Variants in SPAG16 observed in about 807,000 individuals in gnomAD.
SPAG16 encodes the protein sperm associated antigen 16.
Under a neutral mutation model 80.4 loss-of-function variants are expected in SPAG16, and 86 were observed. The observed-to-expected ratio is 1.07, with a 90% CI of 0.90 to 1.28. The LOEUF (loss-of-function observed/expected upper bound fraction) is 1.28, where lower values mean the gene tolerates loss of function less well. Ranked by LOEUF, SPAG16 falls within the 50% of genes most tolerant of loss-of-function variation. The probability of loss-of-function intolerance (pLI) is 0.00; values close to 1 mark genes in which losing one functional copy is unlikely to be tolerated. For missense variants in SPAG16, 870 were observed against 765.3 expected, an observed-to-expected ratio of 1.14 and a Z score of -1.61; for synonymous variants, 294 against 265.9, an observed-to-expected ratio of 1.11 and a Z score of -1.03.
intron 7 of SPAG16, among the ~76,000 whole-genome samples, chr2:213,360,873 C>A: frequency 6.6e-6 from 1 of 152,136 alleles, no homozygotes; most frequent in East Asian, 1.9e-4. Context: ...TTTGAGAATT[C>A]ATTTCCAACC....
intron 9 of SPAG16, among the ~76,000 whole-genome samples, chr2:213,446,669 CT>C (rs993563739): frequency 6.6e-6 from 1 of 152,178 alleles, no homozygotes; most frequent in African/African-American, 2.4e-5. Context: ...GCTTATGTGC[CT>C]TTTCCTCCAC....
intron 8 of SPAG16, among the ~76,000 whole-genome samples, chr2:213,371,606 G>T (rs1368667785): frequency 6.6e-6 from 1 of 151,882 alleles, no homozygotes; most frequent in Non-Finnish European, 1.5e-5. Flanking sequence ...GCAGAAGTTG[G>T]CATGTCAATA....
chr2:213,877,479 A>G (rs1314251326), intron 11 of SPAG16, among the ~76,000 whole-genome samples: 2 of 152,044 alleles, frequency 1.3e-5, no homozygotes, highest in South Asian at 2.1e-4. Context: ...CCAACTAATT[A>G]AAAAATCATA....
chr2:213,328,254 C>T lies in SPAG16; in HGVS notation c.536+10898C>T, dbSNP rs535332849. Among the ~76,000 whole-genome samples the T allele has an allele frequency of 2.6e-5, 4 of 152,210 alleles. No individual in the cohort carries two copies. The East Asian group carries it at 7.7e-4, about 29-fold the overall frequency. On this transcript the variant is annotated intron_variant, in intron 5 of 15. Coordinates refer to ENST00000331683, the MANE Select transcript of SPAG16 (RefSeq NM_024532.5). ...AGCTAACTTGTTTTGATAGCCCGCT[C>T]AGGATATTCTGTACAACTTTTTTTT...
At chr2:214,010,398 T>C (rs1323986640) in intron 12 of SPAG16, among the ~76,000 whole-genome samples, 1 of 146,524 alleles carries the variant, frequency 6.8e-6, no homozygotes, top group Non-Finnish European at 1.5e-5. Flanking sequence ...GAAAAAAAAG[T>C]CACAGGGGAA....
At chr2:213,704,164 A>G (rs900897873) in intron 10 of SPAG16, among the ~76,000 whole-genome samples, 5 of 152,234 alleles carry the variant, frequency 3.3e-5, no homozygotes, top group Non-Finnish European at 7.3e-5. Context: ...TATAACAGCC[A>G]TATAACAATA....
intron 10 of SPAG16, among the ~76,000 whole-genome samples, chr2:213,531,283 C>A (rs1230201776): frequency 2.6e-5 from 4 of 151,628 alleles, no homozygotes; most frequent in Non-Finnish European, 5.9e-5. Flanking sequence ...AATGGAGAAG[C>A]CTTAAAATCT....
intron 14 of SPAG16, among the ~76,000 whole-genome samples, chr2:214,112,639 C>T (rs1351076333): frequency 5.2e-4 from 59 of 112,798 alleles, no homozygotes; most frequent in Admixed American, 1.2e-3. Context: ...GCAACCCCTG[C>T]TTTTTTTTTT....
At chr2:213,439,582 G>T (rs2070821606) in intron 9 of SPAG16, among the ~76,000 whole-genome samples, 1 of 152,176 alleles carries the variant, frequency 6.6e-6, no homozygotes, top group Admixed American at 6.5e-5. Context: ...TCAAGGTGTG[G>T]TCTGTTTTCT....
Position 214,146,739 on chromosome 2 carries a change from A to G in SPAG16, c.1594-2401A>G, listed in dbSNP as rs369324846. ...TATTTGGCTGGGCGCAGTGGCTCAT[A>G]CCTGTAATCCCAGCACTTTGGGAGG... On this transcript the variant is annotated intron_variant, in intron 14 of 15. Transcript: ENST00000331683. Among the ~76,000 whole-genome samples, 15 of 152,264 alleles carry G rather than the reference A, an allele frequency of 9.9e-5. No individual in the cohort carries two copies. In the East Asian group the frequency reaches 1.4e-3, roughly 14 times the overall value.
At chr2:214,215,416 T>G in intron 15 of SPAG16, among the ~76,000 whole-genome samples, 1 of 152,088 alleles carries the variant, frequency 6.6e-6, no homozygotes, top group South Asian at 2.1e-4. Context: ...TGATTCCATT[T>G]CCCCACACTG....
Position 213,537,336 on chromosome 2 carries a change from C to CA in SPAG16, c.1070+47254dup, listed in dbSNP as rs891037617. Among the ~76,000 whole-genome samples the CA allele has an allele frequency of 2.6e-5, 4 of 150,980 alleles. No individual in the cohort carries two copies. The East Asian group carries it at 7.8e-4, about 29-fold the overall frequency. Reference sequence around the variant, plus strand: ...ATAATAATAAAATAAAACAAACAAACAAAAAAAAGCAACCTATCATACATT... The same window carrying CA: ...ATAATAATAAAATAAAACAAACAAACAAAAAAAAAGCAACCTATCATACATT... On this transcript the variant is annotated intron_variant, in intron 10 of 15. Coordinates refer to ENST00000331683, the MANE Select transcript of SPAG16 (RefSeq NM_024532.5).
At chr2:213,888,350 TG>T (rs1331416574) in intron 11 of SPAG16, among the ~76,000 whole-genome samples, 3 of 151,874 alleles carry the variant, frequency 2.0e-5, no homozygotes, top group Non-Finnish European at 4.4e-5. Flanking sequence ...ATCCTCAGCT[TG>T]GCCACTTCTA....
chr2:213,445,754 T>C (rs184611195), intron 9 of SPAG16, among the ~76,000 whole-genome samples: 77 of 152,160 alleles, frequency 5.1e-4, no homozygotes, highest in African/African-American at 1.8e-3. Flanking sequence ...TAAGATACCA[T>C]CTCACCTCAG....
chr2:213,865,771 C>A (rs2075658136), intron 11 of SPAG16, among the ~76,000 whole-genome samples: 1 of 146,262 alleles, frequency 6.8e-6, no homozygotes, highest in South Asian at 2.1e-4. Flanking sequence ...TGTGTAAATT[C>A]AGAATTTGTC....
chr2:213,961,533 T>C (rs2106352139), intron 12 of SPAG16, among the ~76,000 whole-genome samples: 1 of 151,994 alleles, frequency 6.6e-6, no homozygotes, highest in East Asian at 1.9e-4. Flanking sequence ...GCTATTTTTT[T>C]TTTGTAGCTG....
At chr2:214,130,437 A>G (rs756140956) in intron 14 of SPAG16, among the ~76,000 whole-genome samples, 2 of 152,178 alleles carry the variant, frequency 1.3e-5, no homozygotes, top group Admixed American at 6.6e-5. Flanking sequence ...TGTTGGCCAG[A>G]GGCATGCTTT....
At chr2:213,703,227 T>TG (rs1342320230) in intron 10 of SPAG16, among the ~76,000 whole-genome samples, 2 of 152,154 alleles carry the variant, frequency 1.3e-5, no homozygotes, top group East Asian at 3.9e-4. Flanking sequence ...CTCTGATATT[T>TG]GGGAATCATT....
At chr2:214,081,837 AT>A (rs35141566) in intron 13 of SPAG16, among the ~76,000 whole-genome samples, 190 of 149,064 alleles carry the variant, frequency 1.3e-3, no homozygotes, top group African/African-American at 4.1e-3. Flanking sequence ...TACTCATTGT[AT>A]TTTTTTTTTT....
Sources: allele counts gnomAD v4.1 joint callset (sites outside exome capture counted in the v4.1 genomes callset), GRCh38; gene constraint gnomAD v4.1.1; transcripts MANE v1.5; gene names NCBI Gene and HGNC (gene_info 2026-07-23, HGNC 2026-07-21).